LRP6: variants seen among roughly 807,000 people sequenced by gnomAD.
LRP6 encodes the protein low-density lipoprotein receptor-related protein 6.
In LRP6, 43 loss-of-function variants were observed where a neutral mutation model predicts 184.1. The observed-to-expected ratio is 0.23, with a 90% CI of 0.18 to 0.30. The LOEUF is 0.30. Ranked by LOEUF, LRP6 falls within the 10% of genes least tolerant of loss-of-function variation. LRP6 has a pLI of 1.00. For synonymous variants in LRP6, 719 were observed against 684.9 expected (o/e 1.05, Z -0.78); for missense variants, 1,571 against 2,005.3 (o/e 0.78, Z 4.14).
intron 17 of LRP6, among the ~76,000 whole-genome samples, chr12:12,134,079 T>A (rs12819810): frequency 0.052 from 7,853 of 152,300 alleles, 282 homozygotes; most frequent in Middle Eastern, 0.17. Flanking sequence ...CCATAGCTGC[T>A]ACTGAATACA....
chr12:12,266,408 G>A (rs1865763261), intron 1 of LRP6, among the ~76,000 whole-genome samples: 1 of 152,146 alleles, frequency 6.6e-6, no homozygotes, highest in African/African-American at 2.4e-5. Context: ...CGACAGCATG[G>A]GGTGCCAAGG....
intron 12 of LRP6, chr12:12,155,300 C>T (rs1950136391): frequency 6.6e-6 from 5 of 754,138 alleles, no homozygotes; most frequent in South Asian, 1.3e-5. Context: ...GCACCCGATA[C>T]GTGTTCTCTA....
chr12:12,258,310 C>T (rs1865522296), intron 1 of LRP6, among the ~76,000 whole-genome samples: 1 of 152,120 alleles, frequency 6.6e-6, no homozygotes, highest in South Asian at 2.1e-4. Flanking sequence ...AGATGTTTCC[C>T]AGGCTGGTCT....
intron 16 of LRP6, among the ~76,000 whole-genome samples, chr12:12,136,291 A>T (rs991920525): frequency 6.6e-6 from 1 of 152,188 alleles, no homozygotes. Context: ...TAACTCAGAA[A>T]ATCCGTATAT....
intron 7 of LRP6, among the ~76,000 whole-genome samples, chr12:12,172,992 G>C (rs1863084087): frequency 1.3e-5 from 2 of 152,182 alleles, no homozygotes; most frequent in African/African-American, 4.8e-5. Flanking sequence ...AAGTATCATA[G>C]TTACTCTGGG....
chr12:12,203,165 GT>G (rs751972474), intron 3 of LRP6, 37 bp downstream of exon 3: 1 of 1,480,976 alleles, frequency 6.8e-7, no homozygotes, highest in Non-Finnish European at 9.2e-7. Flanking sequence ...GCTTCATCGA[GT>G]TTTCTTAAAA....
chr12:12,144,706 G>A (rs1032822557), intron 15 of LRP6, among the ~76,000 whole-genome samples: 5 of 151,310 alleles, frequency 3.3e-5, no homozygotes, highest in Non-Finnish European at 7.4e-5. Flanking sequence ...CAAATGAGAG[G>A]TGATATCCAT....
In LRP6 at chr12:12,266,974, T is replaced by C. The variant is rs937704626; in HGVS notation, c.-239A>G. 2 of 528,742 alleles carry C rather than the reference T, an allele frequency of 3.8e-6. No homozygotes were observed. Among genetic ancestry groups the C allele is most frequent in the East Asian group, 3.4e-5 (1 of 29,182 alleles). 32.8% of individuals were successfully genotyped at this position (528,742 alleles called of 1,614,324 possible). ...CGTCTGCTTCCATCCCGCCGCCTCC[T>C]CCCCCGGCGCCCCGCTTCCCCCGCG... On this transcript the variant is annotated 5_prime_UTR_variant, in exon 1 of 23. Coordinates refer to ENST00000261349, the MANE Select transcript of LRP6 (RefSeq NM_002336.3).
chr12:12,137,263 T>A (rs1949854615), intron 16 of LRP6, among the ~76,000 whole-genome samples: 1 of 152,208 alleles, frequency 6.6e-6, no homozygotes, highest in Non-Finnish European at 1.5e-5. Context: ...TCATGTATGA[T>A]CAACAGTAGT....
intron 1 of LRP6, among the ~76,000 whole-genome samples, chr12:12,249,708 G>A (rs1865277326): frequency 1.4e-5 from 2 of 141,444 alleles, no homozygotes; most frequent in Admixed American, 1.4e-4. Context: ...AGGAAGGAAG[G>A]AAGGAAGGAA....
intron 3 of LRP6, among the ~76,000 whole-genome samples, chr12:12,190,390 CTGGGGA>C (rs1863581630): frequency 6.6e-6 from 1 of 152,174 alleles, no homozygotes; most frequent in Non-Finnish European, 1.5e-5. Context: ...GATCACCAAA[CTGGGGA>C]CCACAGAAAA....
At position 12,181,306 on chromosome 12, in the gene LRP6, C is replaced by A; in HGVS notation, c.1110G>T (p.Val370=). 1 of 1,614,118 alleles carries A rather than the reference C, an allele frequency of 6.2e-7. No homozygotes were observed. The highest frequency in any genetic ancestry group is 8.5e-7 in the Non-Finnish European group (1 of 1,180,008). ...RHAIAIDYDP[V]EGYIYWTDDE... is the part of the protein sequence containing the mutation. Reference sequence around the variant, plus strand: ...CATCAGTCCAGTAGATGTAGCCTTCCACAGGATCGTAATCTATGGCAATGG... The same window carrying A: ...CATCAGTCCAGTAGATGTAGCCTTCAACAGGATCGTAATCTATGGCAATGG... Residue 370 remains valine, a synonymous_variant, in exon 6 of 23, where the codon GTG becomes GTT. Coordinates refer to ENST00000261349, the MANE Select transcript of LRP6 (RefSeq NM_002336.3).
chr12:12,250,489 T>C (rs1456550111), intron 1 of LRP6, among the ~76,000 whole-genome samples: 1 of 152,172 alleles, frequency 6.6e-6, no homozygotes, highest in Non-Finnish European at 1.5e-5. Flanking sequence ...TTAGCTTTTT[T>C]TTTTTTTAAG....
At chr12:12,143,685 T>C (rs945961149) in intron 15 of LRP6, among the ~76,000 whole-genome samples, 2 of 152,038 alleles carry the variant, frequency 1.3e-5, no homozygotes, top group African/African-American at 2.4e-5. Context: ...TGGAAAAAAA[T>C]GCATTTTAAC....
At chr12:12,149,652 G>A (rs758760455) in intron 13 of LRP6, among the ~76,000 whole-genome samples, 6 of 152,116 alleles carry the variant, frequency 3.9e-5, no homozygotes, top group South Asian at 4.1e-4. Flanking sequence ...ACAATATTCC[G>A]AGCAGCCCCC....
chr12:12,175,393 A>G (rs994560368), intron 7 of LRP6, among the ~76,000 whole-genome samples: 1 of 149,672 alleles, frequency 6.7e-6, no homozygotes, highest in Admixed American at 6.7e-5. Context: ...TGTCTCAAAA[A>G]ATAAAAATAA....
At chr12:12,231,923 G>A (rs1427543462) in intron 2 of LRP6, among the ~76,000 whole-genome samples, 1 of 151,720 alleles carries the variant, frequency 6.6e-6, no homozygotes, top group African/African-American at 2.4e-5. Flanking sequence ...GCTAAGATGG[G>A]AGGATTGCTT....
At chr12:12,131,316 G>A (rs1485998893) in intron 18 of LRP6, among the ~76,000 whole-genome samples, 1 of 151,814 alleles carries the variant, frequency 6.6e-6, no homozygotes, top group Non-Finnish European at 1.5e-5. Flanking sequence ...CACCGTGTTA[G>A]CCAGGATGGT....
In LRP6 at chr12:12,147,454, T is replaced by A. The variant is rs1311678645; in HGVS notation, c.3309A>T (p.Lys1103Asn). 6.2e-7 allele frequency: 1 copy of A among 1,614,042 alleles called. No homozygotes were observed. The highest frequency in any genetic ancestry group is 8.5e-7 in the Non-Finnish European group (1 of 1,179,966). The change falls in exon 15 of 23, where the codon AAA becomes AAT. Residue 1103 changes from lysine to asparagine, a missense_variant. By Grantham distance (94) the Lys-to-Asn change is moderately conservative (BLOSUM62 0). Transcript: ENST00000261349. Reference sequence around the variant, plus strand: ...TGCTATCAAGGGCTAAAGCAATTGGTTTACTTAAGCCACTGAAAAAGAGGA... The same window carrying A: ...TGCTATCAAGGGCTAAAGCAATTGGATTACTTAAGCCACTGAAAAAGAGGA... Reference protein sequence around the residue: ...REVLFFSGLSKPIALALDSRL... With the variant: ...REVLFFSGLSNPIALALDSRL...
Sources: gnomAD v4.1 joint callset for allele counts (sites outside exome capture counted in the v4.1 genomes callset) on GRCh38, gnomAD v4.1.1 for gene constraint, MANE v1.5 for transcripts, NCBI Gene and HGNC (gene_info 2026-07-23, HGNC 2026-07-21) for gene names.